The following PHTF2 variants were observed in gnomAD, a reference collection of about 807,000 sequenced individuals.
PHTF2 encodes the protein putative homeodomain transcription factor 2.
A neutral mutation model predicts 101.2 loss-of-function variants in PHTF2; 60 were observed. That is an observed-to-expected ratio of 0.59 (90% CI 0.48 to 0.73). PHTF2 has a LOEUF of 0.73. Among genes scored for constraint, PHTF2 ranks in the 30% least tolerant of loss-of-function variants. PHTF2 has a pLI of 0.00. For missense variants in PHTF2, 747 were observed against 908.7 expected (o/e 0.82, Z 2.29); for synonymous variants, 311 against 307.3 (o/e 1.01, Z -0.13).
At chr7:77,920,392 A>G in exon 10 of PHTF2, 2 of 1,613,492 alleles carry the variant, frequency 1.2e-6, no homozygotes, top group Non-Finnish European at 1.7e-6. Flanking sequence ...CAAAACCATG[A>G]ACCTCAGTGT....
At chr7:77,830,660 A>G (rs1467483901) in intron 1 of PHTF2, among the ~76,000 whole-genome samples, 1 of 152,190 alleles carries the variant, frequency 6.6e-6, no homozygotes, top group Admixed American at 6.5e-5. Flanking sequence ...GCAGCTGCGA[A>G]TACAGATTAA....
At chr7:77,901,735 T>A (rs1228675608) in intron 6 of PHTF2, 27 bp from the exon 6 acceptor site, 1 of 1,343,042 alleles carries the variant, frequency 7.4e-7, no homozygotes, top group South Asian at 1.8e-5. Flanking sequence ...ATAAATATAC[T>A]CTGTTGTCCT....
chr7:77,876,838 G>A (rs1180138388), intron 3 of PHTF2, among the ~76,000 whole-genome samples: 1 of 152,160 alleles, frequency 6.6e-6, no homozygotes, highest in African/African-American at 2.4e-5. Flanking sequence ...TTGCACCACT[G>A]CATAATTTAA....
intron 9 of PHTF2, among the ~76,000 whole-genome samples, chr7:77,912,021 T>C (rs1371527267): frequency 6.6e-6 from 1 of 152,252 alleles, no homozygotes; most frequent in Non-Finnish European, 1.5e-5. Context: ...ATCATTCTTT[T>C]GTTTTGGTTG....
rs1360755390 is a variant in PHTF2, at chr7:77,846,546, TCCCTCCCCTC to T, written c.45+6257_45+6266del. On this transcript the variant is annotated intron_variant, in intron 2 of 19. Coordinates refer to ENST00000416283, the Ensembl canonical transcript of PHTF2. ...TGCCTGAAATTAGTTTCCCTTCCCT[TCCCTCCCCTC>T]CCCTCCCCTCGCCTCCCCTCGCCTC... 1.1e-3 allele frequency among the ~76,000 whole-genome samples: 99 copies of T among 93,564 alleles called. 2 individuals are homozygous for T. The highest frequency in any genetic ancestry group is 1.8e-4 in the Non-Finnish European group (9 of 48,904). The allele number at this position is 93,564 out of a possible 152,430, so 61.4% of individuals were successfully genotyped here.
At chr7:77,886,126 A>G (rs1354302409) in intron 3 of PHTF2, among the ~76,000 whole-genome samples, 2 of 152,176 alleles carry the variant, frequency 1.3e-5, no homozygotes, top group Admixed American at 1.3e-4. Context: ...CAGTCTAATT[A>G]AACTATTGAT....
chr7:77,855,806 C>A (rs1386924450), intron 3 of PHTF2, among the ~76,000 whole-genome samples: 1 of 152,162 alleles, frequency 6.6e-6, no homozygotes, highest in Non-Finnish European at 1.5e-5. Flanking sequence ...ACTTTCTGTC[C>A]CCCAAGCACG....
intron 5 of PHTF2, among the ~76,000 whole-genome samples, chr7:77,897,825 C>T (rs1257404959): frequency 1.3e-5 from 2 of 152,036 alleles, no homozygotes; most frequent in Non-Finnish European, 2.9e-5. Context: ...GTATTACAGG[C>T]GCCCGCTACC....
At chr7:77,901,201 G>A (rs953592722) in intron 6 of PHTF2, among the ~76,000 whole-genome samples, 1 of 152,246 alleles carries the variant, frequency 6.6e-6, no homozygotes, top group African/African-American at 2.4e-5. Context: ...CAGCATTGGA[G>A]ATTACAATTC....
intron 16 of PHTF2, among the ~76,000 whole-genome samples, chr7:77,943,919 G>A (rs1805837594): frequency 6.6e-6 from 1 of 152,058 alleles, no homozygotes; most frequent in South Asian, 2.1e-4. Flanking sequence ...TCAGGAGGCT[G>A]AGGCATGAGA....
intron 1 of PHTF2, among the ~76,000 whole-genome samples, chr7:77,804,207 C>T (rs986493653): frequency 6.6e-6 from 1 of 152,148 alleles, no homozygotes. Context: ...ATCCCATTGT[C>T]TATTGTGTGT....
chr7:77,887,819 C>T (rs926336437), intron 3 of PHTF2, among the ~76,000 whole-genome samples: 1 of 152,102 alleles, frequency 6.6e-6, no homozygotes, highest in African/African-American at 2.4e-5. Flanking sequence ...CTATTCAGGG[C>T]GTCTCTGGGA....
intron 3 of PHTF2, among the ~76,000 whole-genome samples, chr7:77,859,502 T>A (rs11977586): frequency 0.048 from 7,303 of 151,962 alleles, 231 homozygotes; most frequent in African/African-American, 0.096. Context: ...TTAAAAAAAA[T>A]TTTTCATTCC....
At chr7:77,812,077 A>T (rs1454154682) in intron 1 of PHTF2, among the ~76,000 whole-genome samples, 1 of 152,232 alleles carries the variant, frequency 6.6e-6, no homozygotes, top group Non-Finnish European at 1.5e-5. Context: ...ACTGGATTCC[A>T]GGAATTACTT....
chr7:77,906,609 G>A (rs1344973595), intron 7 of PHTF2: 1 of 152,136 alleles, frequency 6.6e-6, no homozygotes, highest in Non-Finnish European at 1.5e-5. Context: ...TAAATAACCA[G>A]CAACAGGTTA....
chr7:77,826,582 A>G (rs4729772), intron 1 of PHTF2, among the ~76,000 whole-genome samples: 63,237 of 151,892 alleles, frequency 0.42, 14,181 homozygotes, highest in African/African-American at 0.58. Flanking sequence ...GAAAAGGGAG[A>G]AGAGAAAGAA....
At chr7:77,814,343 C>T (rs1373834731) in intron 1 of PHTF2, among the ~76,000 whole-genome samples, 1 of 152,106 alleles carries the variant, frequency 6.6e-6, no homozygotes, top group Admixed American at 6.5e-5. Context: ...TTTAAAGACA[C>T]CTTATTTAAT....
At chr7:77,902,619 C>T (rs557638208) in intron 7 of PHTF2, among the ~76,000 whole-genome samples, 2 of 152,022 alleles carry the variant, frequency 1.3e-5, no homozygotes, top group East Asian at 3.9e-4. Context: ...CATTGTAGAG[C>T]ATTTAGAAAC....
At position 77,858,649 on chromosome 7, in the gene PHTF2, C is replaced by CT. The variant is rs34405628; in HGVS notation, c.147+3831dup. ...GTCTCTGTCTTTGGAGAAGTATACA[C>CT]TTTTTTTTTTTTTTTTAAAGATAGG... is the stretch of plus-strand genomic sequence containing the variant. On this transcript the variant is annotated intron_variant, in intron 3 of 19. Transcript: ENST00000416283. Among the ~76,000 whole-genome samples the CT allele has an allele frequency of 8.2e-3, 1,041 of 127,666 alleles. 8 individuals are homozygous for CT. The highest frequency in any genetic ancestry group is 0.022 in the African/African-American group (776 of 34,898). The allele number at this position is 127,666 out of a possible 152,430, so 83.8% of individuals were successfully genotyped here.
Sources: allele counts gnomAD v4.1 joint callset (sites outside exome capture counted in the v4.1 genomes callset), GRCh38; gene constraint gnomAD v4.1.1; transcripts MANE v1.5; gene names NCBI Gene and HGNC (gene_info 2026-07-23, HGNC 2026-07-21).